ARB2A: variants seen among roughly 807,000 people sequenced by gnomAD.
ARB2A encodes cotranscriptional regulator ARB2A.
chr5:93,674,679 C>T, the ARB2A span, among the ~76,000 whole-genome samples: 9 of 152,106 alleles, frequency 5.9e-5, no homozygotes, highest in Non-Finnish European at 1.2e-4. Context: ...AGAAGGAGGC[C>T]TGCCAAAGAG....
the ARB2A span, among the ~76,000 whole-genome samples, chr5:93,858,065 C>A: frequency 6.6e-6 from 1 of 152,264 alleles, no homozygotes; most frequent in East Asian, 1.9e-4. Context: ...AGAGAAAAGG[C>A]ACATAAGGCA....
chr5:93,869,815 G>A, the ARB2A span, among the ~76,000 whole-genome samples: 2 of 152,062 alleles, frequency 1.3e-5, no homozygotes, highest in African/African-American at 4.8e-5. Flanking sequence ...TCCACCCCCT[G>A]CCCGCAAAAC....
At chr5:93,751,827 CAG>C in the ARB2A span, among the ~76,000 whole-genome samples, 2 of 152,122 alleles carry the variant, frequency 1.3e-5, no homozygotes, top group African/African-American at 4.8e-5. Context: ...TATGACAAGA[CAG>C]AGCAGGCTGA....
At chr5:93,696,380 T>C in the ARB2A span, among the ~76,000 whole-genome samples, 1 of 152,202 alleles carries the variant, frequency 6.6e-6, no homozygotes, top group South Asian at 2.1e-4. Flanking sequence ...GAAATAGTCT[T>C]CTTCCCTTCT....
the ARB2A span, among the ~76,000 whole-genome samples, chr5:93,981,224 C>A: frequency 6.6e-6 from 1 of 151,942 alleles, no homozygotes; most frequent in Non-Finnish European, 1.5e-5. Context: ...TGCACCACCA[C>A]GCCTGGCTAA....
At chr5:94,025,392 CCTT>C in the ARB2A span, among the ~76,000 whole-genome samples, 1 of 152,312 alleles carries the variant, frequency 6.6e-6, no homozygotes, top group Non-Finnish European at 1.5e-5. Context: ...TCTCTCTTCT[CCTT>C]CTTGTAAGGC....
At chr5:93,632,295 C>A in the ARB2A span, among the ~76,000 whole-genome samples, 1 of 152,200 alleles carries the variant, frequency 6.6e-6, no homozygotes, top group Admixed American at 6.5e-5. Flanking sequence ...GACTTGAGAC[C>A]TGAGTGGCAA....
chr5:93,957,435 CAA>C, the ARB2A span, among the ~76,000 whole-genome samples: 1 of 152,080 alleles, frequency 6.6e-6, no homozygotes, highest in Non-Finnish European at 1.5e-5. Context: ...TAACTACAAA[CAA>C]ATGTGTCAGA....
At chr5:93,924,391 T>C in the ARB2A span, among the ~76,000 whole-genome samples, 1 of 152,188 alleles carries the variant, frequency 6.6e-6, no homozygotes, top group Non-Finnish European at 1.5e-5. Flanking sequence ...AAATGTATAC[T>C]GAATGGATAA....
the ARB2A span, among the ~76,000 whole-genome samples, chr5:94,014,711 A>T: frequency 6.6e-6 from 1 of 151,978 alleles, no homozygotes; most frequent in East Asian, 1.9e-4. Context: ...TAATAATAAA[A>T]TCAAATGAAA....
At chr5:93,964,624 ATC>A in the ARB2A span, 1 of 703,626 alleles carries the variant, frequency 1.4e-6, no homozygotes, top group Non-Finnish European at 2.4e-6. Context: ...CTGAGTAAAT[ATC>A]TCTTCATCTT....
chr5:93,790,097 T>C, the ARB2A span, among the ~76,000 whole-genome samples: 381 of 152,342 alleles, frequency 2.5e-3, 1 homozygote, highest in African/African-American at 8.7e-3. Context: ...TTCAAGTCCA[T>C]GCTCTGCCAC....
the ARB2A span, among the ~76,000 whole-genome samples, chr5:93,960,317 A>C: frequency 1.3e-5 from 2 of 152,256 alleles, no homozygotes; most frequent in Middle Eastern, 3.4e-3. Context: ...TTTTCATTGA[A>C]GCCTTCCCTG....
the ARB2A span, among the ~76,000 whole-genome samples, chr5:93,728,804 T>C: frequency 1.1e-4 from 16 of 152,280 alleles, no homozygotes; most frequent in Admixed American, 4.6e-4. Context: ...TTGTCTTGAA[T>C]GACAACAACA....
the ARB2A span, among the ~76,000 whole-genome samples, chr5:93,995,266 G>A: frequency 1.1e-3 from 168 of 152,258 alleles, no homozygotes; most frequent in African/African-American, 3.9e-3. Context: ...CCATGTGTGA[G>A]CAGATCATCT....
the ARB2A span, among the ~76,000 whole-genome samples, chr5:93,797,227 A>C: frequency 1.3e-5 from 2 of 152,122 alleles, no homozygotes; most frequent in African/African-American, 4.8e-5. Context: ...GGAAGCGTTT[A>C]TGTGTGAGTG....
the ARB2A span, among the ~76,000 whole-genome samples, chr5:93,794,717 G>C: frequency 6.6e-6 from 1 of 152,126 alleles, no homozygotes; most frequent in East Asian, 1.9e-4. Context: ...GAGCTACTGG[G>C]CTCTGGTTGG....
chr5:93,853,358 C>G, the ARB2A span, among the ~76,000 whole-genome samples: 1 of 152,186 alleles, frequency 6.6e-6, no homozygotes, highest in Non-Finnish European at 1.5e-5. Flanking sequence ...AGATTTTGGG[C>G]TGAGACAATG....
chr5:93,829,073 G>A, the ARB2A span, among the ~76,000 whole-genome samples: 1 of 152,090 alleles, frequency 6.6e-6, no homozygotes, highest in Non-Finnish European at 1.5e-5. Context: ...CACTGCGCCT[G>A]GCCCTCAAAC....
Sources: allele counts gnomAD v4.1 joint callset (sites outside exome capture counted in the v4.1 genomes callset), GRCh38; gene constraint gnomAD v4.1.1; transcripts MANE v1.5; gene names NCBI Gene and HGNC (gene_info 2026-07-23, HGNC 2026-07-21).